The following PTPRD variants were observed in gnomAD, a reference collection of about 807,000 sequenced individuals.
PTPRD encodes the protein protein tyrosine phosphatase receptor type D.
PTPRD carries 34 observed loss-of-function variants against 214.5 expected under a neutral mutation model. That is an observed-to-expected ratio of 0.16 (90% confidence interval 0.12 to 0.21). The LOEUF is 0.21. Among genes scored for constraint, PTPRD ranks in the 10% least tolerant of loss-of-function variants. The pLI, the probability that PTPRD is intolerant of heterozygous loss-of-function variation, is 1.00. For synonymous variants in PTPRD, 1,128 were observed against 845.7 expected (o/e 1.33, Z -5.79); for missense variants, 2,545 against 2,398.7 (o/e 1.06, Z -1.27).
At chr9:8,960,508 T>A (rs925162873) in intron 11 of PTPRD, among the ~76,000 whole-genome samples, 12 of 152,042 alleles carry the variant, frequency 7.9e-5, no homozygotes, top group African/African-American at 2.7e-4. Flanking sequence ...AAATCTGACA[T>A]CCAAGGTTCA....
chr9:9,304,571 A>T (rs1188903303), intron 9 of PTPRD, among the ~76,000 whole-genome samples: 1 of 151,980 alleles, frequency 6.6e-6, no homozygotes, highest in South Asian at 2.1e-4. Flanking sequence ...GGTGGGCAGG[A>T]TTCATTTTAT....
chr9:9,788,344 G>A (rs1015296732), intron 5 of PTPRD, among the ~76,000 whole-genome samples: 1 of 151,092 alleles, frequency 6.6e-6, no homozygotes, highest in African/African-American at 2.4e-5. Flanking sequence ...GAAGTCAGGA[G>A]ATCGAGACCA....
chr9:9,087,117 T>C (rs575317202), intron 10 of PTPRD, among the ~76,000 whole-genome samples: 1 of 152,208 alleles, frequency 6.6e-6, no homozygotes. Flanking sequence ...TGGCTTTTTT[T>C]TCTCTCTTGG....
chr9:9,155,251 A>G (rs1688640008), intron 10 of PTPRD, among the ~76,000 whole-genome samples: 1 of 152,180 alleles, frequency 6.6e-6, no homozygotes, highest in South Asian at 2.1e-4. Context: ...GATTTTTTAA[A>G]TTAAAATTAT....
intron 14 of PTPRD, among the ~76,000 whole-genome samples, chr9:8,540,833 T>C (rs897522505): frequency 2.6e-5 from 4 of 152,176 alleles, no homozygotes; most frequent in African/African-American, 7.2e-5. Flanking sequence ...GTGACTCAGA[T>C]ATGTCTAAAT....
intron 11 of PTPRD, among the ~76,000 whole-genome samples, chr9:9,005,650 A>T (rs1475355937): frequency 6.6e-6 from 1 of 152,066 alleles, no homozygotes; most frequent in Non-Finnish European, 1.5e-5. Context: ...GTAGAGGATG[A>T]TGAAATTGTA....
chr9:9,626,276 G>C (rs891374740), intron 7 of PTPRD, among the ~76,000 whole-genome samples: 2 of 152,126 alleles, frequency 1.3e-5, no homozygotes, highest in African/African-American at 4.8e-5. Context: ...GTGTGAGTAG[G>C]GTGCTAGTAA....
At chr9:8,497,408 G>A (rs2097300824) in intron 25 of PTPRD, 140 bp from the exon 26 acceptor site, 1 of 609,092 alleles carries the variant, frequency 1.6e-6, no homozygotes, top group Non-Finnish European at 2.6e-6. Context: ...TCCAAAGAAT[G>A]TGTGATTTGC....
At chr9:9,990,786 T>C (rs1172471041) in intron 4 of PTPRD, among the ~76,000 whole-genome samples, 1 of 152,186 alleles carries the variant, frequency 6.6e-6, no homozygotes, top group African/African-American at 2.4e-5. Flanking sequence ...TTTATTATCA[T>C]GTTACCCTAA....
At chr9:9,192,853 G>A (rs1354284779) in intron 9 of PTPRD, among the ~76,000 whole-genome samples, 1 of 152,096 alleles carries the variant, frequency 6.6e-6, no homozygotes, top group African/African-American at 2.4e-5. Flanking sequence ...GAAGTCACGA[G>A]ATAAGCTGCA....
At chr9:10,443,091 A>G (rs1176971228) in intron 2 of PTPRD, among the ~76,000 whole-genome samples, 1 of 138,276 alleles carries the variant, frequency 7.2e-6, no homozygotes, top group Non-Finnish European at 1.5e-5. Context: ...GCAATTTCAG[A>G]AAAAAAAAAA....
At chr9:8,616,846 T>C (rs2095627187) in intron 14 of PTPRD, among the ~76,000 whole-genome samples, 1 of 152,148 alleles carries the variant, frequency 6.6e-6, no homozygotes, top group Non-Finnish European at 1.5e-5. Context: ...AACTATGCTA[T>C]TAATCCTGCT....
chr9:9,060,983 T>A (rs62529465), intron 10 of PTPRD, among the ~76,000 whole-genome samples: 17,305 of 152,226 alleles, frequency 0.11, 1,041 homozygotes, highest in African/African-American at 0.15. Flanking sequence ...GAATGCTTAA[T>A]AAAGCCAAAT....
At chr9:8,568,565 C>A (rs192496859) in intron 14 of PTPRD, among the ~76,000 whole-genome samples, 1 of 152,112 alleles carries the variant, frequency 6.6e-6, no homozygotes, top group Non-Finnish European at 1.5e-5. Flanking sequence ...GAGAACACAC[C>A]AGACTCATTC....
chr9:8,483,304 T>A (rs1247652647), intron 30 of PTPRD, among the ~76,000 whole-genome samples: 1 of 152,250 alleles, frequency 6.6e-6, no homozygotes, highest in East Asian at 1.9e-4. Flanking sequence ...TTTTTCCTAC[T>A]TTTAATACAT....
intron 3 of PTPRD, among the ~76,000 whole-genome samples, chr9:10,319,953 G>A (rs980258895): frequency 2.0e-5 from 3 of 151,966 alleles, no homozygotes; most frequent in African/African-American, 4.8e-5. Flanking sequence ...ATATTTTTCA[G>A]TGAATTATTT....
At chr9:10,291,594 A>T (rs958708570) in intron 3 of PTPRD, among the ~76,000 whole-genome samples, 2 of 152,040 alleles carry the variant, frequency 1.3e-5, no homozygotes, top group African/African-American at 4.8e-5. Flanking sequence ...GGCTTTGAAA[A>T]TGGAGGAAGA....
At position 9,769,805 on chromosome 9, in the gene PTPRD, T is replaced by C. The variant is rs562929021; in HGVS notation, c.-367-2954A>G. 1.3e-4 allele frequency among the ~76,000 whole-genome samples: 20 copies of C among 150,982 alleles called. No individual in the cohort carries two copies. The South Asian group carries it at 3.2e-3, about 24-fold the overall frequency. On this transcript the variant is annotated intron_variant, in intron 5 of 45. Transcript: ENST00000381196. ...CCCCGGTGTGTGATGTTCCCCTCCC[T>C]GTGTCCATGTGTTCTCATTGTTCAA...
chr9:9,019,093 C>T (rs986814950), intron 10 of PTPRD, among the ~76,000 whole-genome samples: 3 of 152,046 alleles, frequency 2.0e-5, no homozygotes, highest in Non-Finnish European at 2.9e-5. Context: ...GCTAGAAAAA[C>T]CTATGAAGAA....
Sources: gnomAD v4.1 joint callset for allele counts (sites outside exome capture counted in the v4.1 genomes callset) on GRCh38, gnomAD v4.1.1 for gene constraint, MANE v1.5 for transcripts, NCBI Gene and HGNC (gene_info 2026-07-23, HGNC 2026-07-21) for gene names.